DCLK1: variants seen among roughly 807,000 people sequenced by gnomAD.
DCLK1 encodes serine/threonine-protein kinase DCLK1.
DCLK1 carries 16 observed loss-of-function variants against 86.2 expected under a neutral mutation model. The ratio of observed to expected loss-of-function variants is 0.19; its 90% CI spans 0.13 to 0.28. The LOEUF is 0.28. Ranked by LOEUF, DCLK1 falls within the 10% of genes least tolerant of loss-of-function variation. The pLI is 1.00. For missense variants in DCLK1, 590 were observed against 940.2 expected, an observed-to-expected ratio of 0.63 and a Z score of 4.87; for synonymous variants, 369 against 370.5, an observed-to-expected ratio of 1.00 and a Z score of 0.05.
chr13:35,903,938 C>G (rs1003265388), intron 4 of DCLK1, among the ~76,000 whole-genome samples: 2 of 152,012 alleles, frequency 1.3e-5, no homozygotes, highest in African/African-American at 4.8e-5. Context: ...AAGAATATTT[C>G]GATCTTAGGA....
rs1214992986 is a variant in DCLK1 at position 35,982,425 on chromosome 13, AGAGAGAGGGGGAGGGAGGGAGGGAGG to A, written c.724-34994_724-34969del. Among the ~76,000 whole-genome samples, 20 of 39,462 alleles carry A rather than the reference AGAGAGAGGGGGAGGGAGGGAGGGAGG, an allele frequency of 5.1e-4. No individual in the cohort carries two copies. The South Asian group carries it at 7.9e-3, about 16-fold the overall frequency. The allele number at this position is 39,462 out of a possible 152,430, so 25.9% of individuals were successfully genotyped here. A position where few individuals can be genotyped will look rare whatever the true frequency, so the allele number is the denominator to read the frequency against. ...AAAAGAAAGGGAGAGAGAGAGAGAG[AGAGAGAGGGGGAGGGAGGGAGGGAGG>A]GAGGGAGGGAGGGAGGGAGGGAGGG... On this transcript the variant is annotated intron_variant, in intron 3 of 16. Transcript: ENST00000360631.
chr13:35,891,731 G>A (rs1454317924), intron 4 of DCLK1, among the ~76,000 whole-genome samples: 3 of 152,158 alleles, frequency 2.0e-5, no homozygotes, highest in African/African-American at 4.8e-5. Context: ...TCATAGCATC[G>A]TCTGCACCGG....
intron 2 of DCLK1, among the ~76,000 whole-genome samples, chr13:36,123,749 G>C (rs1341673474): frequency 6.6e-6 from 1 of 152,182 alleles, no homozygotes; most frequent in Admixed American, 6.5e-5. Context: ...ATATATGCAG[G>C]GATTTGGCCA....
chr13:35,952,220 T>A (rs1877731696), intron 3 of DCLK1, among the ~76,000 whole-genome samples: 1 of 152,224 alleles, frequency 6.6e-6, no homozygotes, highest in South Asian at 2.1e-4. Flanking sequence ...ACACAGTATG[T>A]ACCTCCTAAG....
chr13:35,912,838 G>A (rs985403097), intron 4 of DCLK1, among the ~76,000 whole-genome samples: 7 of 152,118 alleles, frequency 4.6e-5, no homozygotes, highest in Admixed American at 2.6e-4. Context: ...CACTGTCCAC[G>A]GACAGCAGAG....
At chr13:35,808,184 C>T in intron 14 of DCLK1, 40 bp downstream of exon 14, 1 of 1,542,118 alleles carries the variant, frequency 6.5e-7, no homozygotes, top group Non-Finnish European at 9.0e-7. Flanking sequence ...TCCGTTAAGA[C>T]ACACAGAATA....
Position 35,805,796 on chromosome 13 carries a change from T to TA in DCLK1, c.1864-18dup, listed in dbSNP as rs754213210. On this transcript the variant is annotated splice_polypyrimidine_tract_variant and intron_variant, in intron 14 of 16. Transcript: ENST00000360631. ...AATGAGCTCCTGTGAAGGGGAACGT[T>TA]AGAGTCCATTTATCTGAATTTAAGG... 3.7e-6 allele frequency: 6 copies of TA among 1,608,742 alleles called. No individual in the cohort carries two copies. The African/African-American group carries it at 4.0e-5, about 11-fold the overall frequency.
At chr13:36,125,675 C>A in intron 2 of DCLK1, 87 bp downstream of exon 2, 1 of 1,513,492 alleles carries the variant, frequency 6.6e-7, no homozygotes, top group Non-Finnish European at 8.8e-7. Context: ...TGTCAACTGT[C>A]AGAGGGCAAA....
rs1168682482 is a variant in DCLK1 at position 35,801,371 on chromosome 13, C to T, written c.1944+4328G>A. Among the ~76,000 whole-genome samples, 35 of 152,064 alleles carry T rather than the reference C, an allele frequency of 2.3e-4. 1 individual carries two copies. The highest frequency in any genetic ancestry group is 2.1e-4 in the South Asian group (1 of 4,822). The stretch of plus-strand genomic sequence containing the variant: ...ATTATTTTCAGATGAAGAAAAAATC[C>T]GTTTTCTGATTTAGTTACTTCATAA... On this transcript the variant is annotated intron_variant, in intron 15 of 16. Transcript: ENST00000360631.
intron 2 of DCLK1, among the ~76,000 whole-genome samples, chr13:36,118,656 G>A (rs954612399): frequency 1.1e-4 from 17 of 152,210 alleles, no homozygotes; most frequent in South Asian, 6.2e-4. Flanking sequence ...AGAATCAACC[G>A]AATTTGATGA....
chr13:35,792,974 C>T (rs2086733976), intron 16 of DCLK1, among the ~76,000 whole-genome samples: 1 of 152,154 alleles, frequency 6.6e-6, no homozygotes, highest in South Asian at 2.1e-4. Flanking sequence ...GTTCCAAGCT[C>T]TCCCTGCAAT....
At chr13:35,905,875 T>C (rs1453058384) in intron 4 of DCLK1, among the ~76,000 whole-genome samples, 2 of 152,130 alleles carry the variant, frequency 1.3e-5, no homozygotes, top group Non-Finnish European at 2.9e-5. Context: ...GATTTCCTAA[T>C]TGATACTCAT....
intron 3 of DCLK1, among the ~76,000 whole-genome samples, chr13:35,997,958 A>T: frequency 6.6e-6 from 1 of 152,294 alleles, no homozygotes; most frequent in Admixed American, 6.5e-5. Context: ...TGTGGTCAGC[A>T]GTTTCCCATG....
At chr13:35,934,889 T>C (rs1270618967) in intron 4 of DCLK1, among the ~76,000 whole-genome samples, 1 of 152,062 alleles carries the variant, frequency 6.6e-6, no homozygotes, top group Non-Finnish European at 1.5e-5. Context: ...ATTCACAAGC[T>C]AGATGCATTT....
intron 15 of DCLK1, chr13:35,805,450 C>T (rs1055245941): frequency 2.7e-5 from 11 of 414,916 alleles, no homozygotes; most frequent in African/African-American, 2.2e-4. Context: ...GCTTGTGCCA[C>T]TATGCCCAGC....
chr13:35,891,248 A>G (rs1393675960), intron 4 of DCLK1, among the ~76,000 whole-genome samples: 1 of 152,100 alleles, frequency 6.6e-6, no homozygotes, highest in Non-Finnish European at 1.5e-5. Flanking sequence ...ATAAATGTTG[A>G]ATTTTATAAT....
chr13:36,056,618 TAAAA>T (rs71196600), intron 3 of DCLK1, among the ~76,000 whole-genome samples: 8 of 109,772 alleles, frequency 7.3e-5, no homozygotes, highest in East Asian at 2.5e-4. Context: ...AAGTATAATT[TAAAA>T]AAAAAAAAAA....
intron 4 of DCLK1, among the ~76,000 whole-genome samples, chr13:35,931,311 A>C (rs1163218449): frequency 6.6e-6 from 1 of 152,168 alleles, no homozygotes; most frequent in African/African-American, 2.4e-5. Context: ...GGCCAGAATT[A>C]ATGACTAAAA....
chr13:35,852,567 T>C (rs1223290843), intron 6 of DCLK1, among the ~76,000 whole-genome samples: 1 of 152,196 alleles, frequency 6.6e-6, no homozygotes, highest in Non-Finnish European at 1.5e-5. Flanking sequence ...ATCGTTTAAA[T>C]GGTAAAATGA....
Sources: allele counts gnomAD v4.1 joint callset (sites outside exome capture counted in the v4.1 genomes callset), GRCh38; gene constraint gnomAD v4.1.1; transcripts MANE v1.5; gene names NCBI Gene and HGNC (gene_info 2026-07-23, HGNC 2026-07-21).